The following CADPS2 variants were observed in gnomAD, a reference collection of about 807,000 sequenced individuals.
CADPS2 encodes the protein calcium dependent secretion activator 2.
In CADPS2, 93 loss-of-function variants were observed where a neutral mutation model predicts 172.5. The observed-to-expected ratio is 0.54, with a 90% CI of 0.46 to 0.64. The LOEUF (loss-of-function observed/expected upper bound fraction) is 0.64. CADPS2 is among the 30% of genes least tolerant of loss of function. The pLI, the probability that CADPS2 is intolerant of heterozygous loss-of-function variation, is 0.00. For missense variants in CADPS2, 1,420 were observed against 1,565.9 expected, an observed-to-expected ratio of 0.91 and a Z score of 1.57; for synonymous variants, 546 against 555.2, an observed-to-expected ratio of 0.98 and a Z score of 0.23.
chr7:122,473,207 A>G (rs2056201761), intron 13 of CADPS2, among the ~76,000 whole-genome samples: 1 of 152,134 alleles, frequency 6.6e-6, no homozygotes. Context: ...AAGGTGGCCA[A>G]CTGTTCAAAC....
intron 28 of CADPS2, chr7:122,328,472 G>A (rs558142329): frequency 6.6e-6 from 1 of 152,250 alleles, no homozygotes; most frequent in East Asian, 1.9e-4. Context: ...TCTCCACAGG[G>A]GATGAAAAGG....
chr7:122,514,405 T>G (rs2060206330), intron 8 of CADPS2, among the ~76,000 whole-genome samples: 1 of 152,122 alleles, frequency 6.6e-6, no homozygotes, highest in South Asian at 2.1e-4. Context: ...AAAACTAAAA[T>G]CTTAGGCTGA....
rs117156132 is a variant in CADPS2 at position 122,319,811 on chromosome 7, C to T, written c.*354G>A. 940 of 189,848 alleles carry T rather than the reference C, an allele frequency of 5.0e-3. 1 individual carries two copies. Among genetic ancestry groups the T allele is most frequent in the South Asian group, 9.8e-3 (61 of 6,250 alleles). 11.8% of individuals were successfully genotyped at this position (189,848 alleles called of 1,614,324 possible). A position where few individuals can be genotyped will look rare whatever the true frequency, so the allele number is the denominator to read the frequency against. ...TATGAGAAATATGTATCTCGCTTTA[C>T]ACAGAAAACATCATTTTGATGTGAT... is the stretch of plus-strand genomic sequence containing the variant. On this transcript the variant is annotated 3_prime_UTR_variant, in exon 30 of 30. Coordinates refer to ENST00000449022, the MANE Select transcript of CADPS2 (RefSeq NM_017954.11).
At chr7:122,585,322 C>T (rs140296437) in intron 6 of CADPS2, among the ~76,000 whole-genome samples, 2,610 of 151,590 alleles carry the variant, frequency 0.017, 38 homozygotes, top group Non-Finnish European at 0.027. Context: ...CAACATTCCA[C>T]GATACAGGCA....
chr7:122,718,282 C>G (rs1360627230), intron 2 of CADPS2, among the ~76,000 whole-genome samples: 1 of 151,776 alleles, frequency 6.6e-6, no homozygotes, highest in Non-Finnish European at 1.5e-5. Context: ...CCATCATATT[C>G]CTATATATCT....
intron 2 of CADPS2, among the ~76,000 whole-genome samples, chr7:122,731,100 T>G (rs1385611988): frequency 6.6e-6 from 1 of 151,646 alleles, no homozygotes; most frequent in Admixed American, 6.6e-5. Flanking sequence ...AAGCTGATTT[T>G]AATACTTTTT....
rs142757635 is a variant in CADPS2 at position 122,598,516 on chromosome 7, C to A, written c.1223+16665G>T. Reference sequence around the variant, plus strand: ...GAGATTTGGGCCACAGAAAGTGATTCGTACAATGTCACTTAGCAGATTGTA... The same window carrying A: ...GAGATTTGGGCCACAGAAAGTGATTAGTACAATGTCACTTAGCAGATTGTA... On this transcript the variant is annotated intron_variant, in intron 6 of 29. Transcript: ENST00000449022. 1.4e-4 allele frequency among the ~76,000 whole-genome samples: 22 copies of A among 152,068 alleles called. No homozygotes were observed. The East Asian group carries it at 3.7e-3, about 25-fold the overall frequency.
intron 6 of CADPS2, among the ~76,000 whole-genome samples, chr7:122,592,016 A>G (rs2070889526): frequency 6.6e-6 from 1 of 152,178 alleles, no homozygotes; most frequent in Admixed American, 6.5e-5. Flanking sequence ...GAGCTTCTGC[A>G]CAGCAAAAGA....
At chr7:122,361,383 G>A (rs375192592) in intron 25 of CADPS2, among the ~76,000 whole-genome samples, 5 of 151,720 alleles carry the variant, frequency 3.3e-5, no homozygotes, top group African/African-American at 7.3e-5. Context: ...ACAGGCGTCC[G>A]CCACCACACC....
intron 2 of CADPS2, among the ~76,000 whole-genome samples, chr7:122,700,441 C>G (rs529240052): frequency 2.6e-5 from 4 of 152,140 alleles, no homozygotes; most frequent in Middle Eastern, 3.4e-3. Flanking sequence ...GCCATTAATC[C>G]GATTTTATTT....
intron 8 of CADPS2, among the ~76,000 whole-genome samples, chr7:122,548,006 T>G (rs183815324): frequency 6.6e-6 from 1 of 152,300 alleles, no homozygotes; most frequent in Non-Finnish European, 1.5e-5. Context: ...TGATGGTAAC[T>G]ACAAAATAAA....
rs548609530 is a variant in CADPS2, at chr7:122,544,323, T to C, written c.1475+10227A>G. ...AAGGATTATGATTAATCCAGCTCCA[T>C]GCATTTGATGTATAATAGAAAAAAT... On this transcript the variant is annotated intron_variant, in intron 8 of 29. Coordinates refer to ENST00000449022, the MANE Select transcript of CADPS2 (RefSeq NM_017954.11). Among the ~76,000 whole-genome samples the C allele has an allele frequency of 7.2e-5, 11 of 152,304 alleles. No individual in the cohort carries two copies. In the South Asian group the frequency reaches 2.3e-3, roughly 32 times the overall value.
intron 1 of CADPS2, among the ~76,000 whole-genome samples, chr7:122,796,887 C>T (rs1450008597): frequency 6.6e-6 from 1 of 151,914 alleles, no homozygotes; most frequent in Non-Finnish European, 1.5e-5. Flanking sequence ...CTCAACTAAA[C>T]AGCCTCTGCA....
At chr7:122,716,332 T>C (rs1018816560) in intron 2 of CADPS2, among the ~76,000 whole-genome samples, 1 of 152,186 alleles carries the variant, frequency 6.6e-6, no homozygotes, top group Admixed American at 6.6e-5. Context: ...TCTAAAACAA[T>C]GGTCCACACT....
chr7:122,717,555 C>A (rs2089788929), intron 2 of CADPS2, among the ~76,000 whole-genome samples: 1 of 152,074 alleles, frequency 6.6e-6, no homozygotes, highest in Admixed American at 6.6e-5. Flanking sequence ...ACTTTCATAA[C>A]TAGATGTAAA....
intron 2 of CADPS2, among the ~76,000 whole-genome samples, chr7:122,705,410 T>C (rs1478687661): frequency 7.0e-6 from 1 of 142,574 alleles, no homozygotes; most frequent in Non-Finnish European, 1.5e-5. Context: ...AATTGAAATA[T>C]ATTAGTAGAG....
At chr7:122,712,739 A>G (rs2088952203) in intron 2 of CADPS2, among the ~76,000 whole-genome samples, 3 of 152,126 alleles carry the variant, frequency 2.0e-5, no homozygotes, top group Admixed American at 1.3e-4. Context: ...CTGGAGGCCG[A>G]GAAGTCCAGG....
In CADPS2 at chr7:122,319,574, T is replaced by G. The variant is rs2031953587; in HGVS notation, c.*591A>C. The stretch of plus-strand genomic sequence containing the variant: ...TTGGATAATCTAGTCTATATTTGGG[T>G]TTGGCAATCCTTTCATCCCAGGAAT... On this transcript the variant is annotated 3_prime_UTR_variant, in exon 30 of 30. Coordinates refer to ENST00000449022, the MANE Select transcript of CADPS2 (RefSeq NM_017954.11). The G allele has an allele frequency of 6.6e-6, 1 of 152,164 alleles. No individual in the cohort carries two copies. The highest frequency in any genetic ancestry group is 1.5e-5 in the Non-Finnish European group (1 of 68,034). 9.4% of individuals were successfully genotyped at this position (152,164 alleles called of 1,614,324 possible).
intron 8 of CADPS2, among the ~76,000 whole-genome samples, chr7:122,533,262 G>A (rs2061940503): frequency 6.6e-6 from 1 of 151,910 alleles, no homozygotes; most frequent in African/African-American, 2.4e-5. Flanking sequence ...TAAAGCAGTA[G>A]TTAAAAAAAT....
Sources: allele counts gnomAD v4.1 joint callset (sites outside exome capture counted in the v4.1 genomes callset), GRCh38; gene constraint gnomAD v4.1.1; transcripts MANE v1.5; gene names NCBI Gene and HGNC (gene_info 2026-07-23, HGNC 2026-07-21).